The following MAP2K5 variants were observed in gnomAD, a reference collection of about 807,000 sequenced individuals.
The protein encoded by MAP2K5 is dual specificity mitogen-activated protein kinase kinase 5.
A neutral mutation model predicts 83.1 loss-of-function variants in MAP2K5; 49 were observed. The observed-to-expected ratio is 0.59, with a 90% confidence interval of 0.47 to 0.75. The LOEUF (loss-of-function observed/expected upper bound fraction) is 0.75, where lower values mean the gene tolerates loss of function less well. Among genes scored for constraint, MAP2K5 ranks in the 30% least tolerant of loss-of-function variants. The pLI is 0.00. For missense variants in MAP2K5, 457 were observed against 557.5 expected (o/e 0.82, Z 1.82); for synonymous variants, 202 against 191.8 (o/e 1.05, Z -0.44).
At position 67,782,273 on chromosome 15, in the gene MAP2K5, AGTAT is replaced by A; in HGVS notation, c.1242+9522_1242+9525del. Among the ~76,000 whole-genome samples, 1 of 152,372 alleles carries A rather than the reference AGTAT, an allele frequency of 6.6e-6. No individual in the cohort carries two copies. Among genetic ancestry groups the A allele is most frequent in the Non-Finnish European group, 1.5e-5 (1 of 68,030 alleles). ...AGCTTTAGATGTGAAATGAGTGTTA[AGTAT>A]TAGTAATCGGGAGATTAGGGCCCCA... On this transcript the variant is annotated intron_variant, in intron 21 of 21. Coordinates refer to ENST00000178640, the MANE Select transcript of MAP2K5 (RefSeq NM_145160.3). This position sits in a 1 kb window ranked among gnomAD's most constrained non-coding sequence, Gnocchi z 4.9.
intron 7 of MAP2K5, among the ~76,000 whole-genome samples, chr15:67,596,242 G>A (rs568682592): frequency 6.6e-6 from 1 of 152,216 alleles, no homozygotes; most frequent in Admixed American, 6.5e-5. Context: ...CCAACATGGT[G>A]AAACCTCTTC....
chr15:67,692,097 A>T (rs2088128084), intron 13 of MAP2K5, among the ~76,000 whole-genome samples: 1 of 152,180 alleles, frequency 6.6e-6, no homozygotes, highest in Non-Finnish European at 1.5e-5. Flanking sequence ...ATAATTACAC[A>T]TATAGAGCAA....
Position 67,603,805 on chromosome 15 carries a change from T to TA in MAP2K5, c.545+3062dup, listed in dbSNP as rs562850723. 1.3e-5 allele frequency among the ~76,000 whole-genome samples: 2 copies of TA among 152,196 alleles called. 1 individual carries two copies. Among genetic ancestry groups the TA allele is most frequent in the Non-Finnish European group, 2.9e-5 (2 of 68,026 alleles). On this transcript the variant is annotated intron_variant, in intron 8 of 21. Transcript: ENST00000178640. ...AAGTTCACCTTAATGGTGTTGATGA[T>TA]AAAAAATATGGTTTTTCAAACAGCA...
chr15:67,621,754 G>A (rs1288745441), intron 8 of MAP2K5, among the ~76,000 whole-genome samples: 1 of 152,186 alleles, frequency 6.6e-6, no homozygotes, highest in South Asian at 2.1e-4. Flanking sequence ...AAATGTGCCT[G>A]ATGTAGTTTT....
intron 21 of MAP2K5, 125 bp downstream of exon 21, chr15:67,772,877 C>A: frequency 1.6e-6 from 1 of 626,816 alleles, no homozygotes; most frequent in Non-Finnish European, 2.6e-6. Flanking sequence ...TTATTTACTT[C>A]ATTTGGGTAG....
chr15:67,772,886 A>G (rs1313278329), intron 21 of MAP2K5, 134 bp downstream of exon 21: 3 of 601,222 alleles, frequency 5.0e-6, no homozygotes, highest in Non-Finnish European at 8.1e-6. Flanking sequence ...TCATTTGGGT[A>G]GATGTTTTTG....
chr15:67,703,546 G>A, intron 16 of MAP2K5, 138 bp downstream of exon 16: 1 of 649,182 alleles, frequency 1.5e-6, no homozygotes, highest in South Asian at 2.0e-5. Context: ...TGACCATAAA[G>A]TCTTTGATTC....
Position 67,758,001 on chromosome 15 carries a change from A to G in MAP2K5, c.1134+9400A>G, listed in dbSNP as rs2089873897. On this transcript the variant is annotated intron_variant, in intron 19 of 21. Coordinates refer to ENST00000178640, the MANE Select transcript of MAP2K5 (RefSeq NM_145160.3). The surrounding 1 kb of genome is among the most constrained non-coding windows in gnomAD (Gnocchi z 4.7). ...TTCAGTATGGCTGGGGTGTTTGGGC[A>G]AGTATTATGAGATATAAACCAAGGG... 6.6e-6 allele frequency among the ~76,000 whole-genome samples: 1 copy of G among 152,110 alleles called. No individual in the cohort carries two copies. The highest frequency in any genetic ancestry group is 2.4e-5 in the African/African-American group (1 of 41,426).
At chr15:67,583,518 T>C (rs2085227789) in intron 4 of MAP2K5, among the ~76,000 whole-genome samples, 1 of 152,162 alleles carries the variant, frequency 6.6e-6, no homozygotes, top group Non-Finnish European at 1.5e-5. Flanking sequence ...TTTTTGGTAG[T>C]CTTTTGCTTT....
chr15:67,734,372 G>GT (rs1409580046), intron 17 of MAP2K5, among the ~76,000 whole-genome samples: 3 of 151,692 alleles, frequency 2.0e-5, no homozygotes, highest in Non-Finnish European at 4.4e-5. Flanking sequence ...AATGTGTTTT[G>GT]TTTTTTTCAA....
intron 11 of MAP2K5, among the ~76,000 whole-genome samples, chr15:67,647,536 C>T (rs1035122099): frequency 1.7e-4 from 26 of 151,946 alleles, no homozygotes; most frequent in Non-Finnish European, 3.2e-4. Flanking sequence ...TGCTTGAGCC[C>T]AGGAGTTTGA....
chr15:67,678,034 T>C (rs111595074), intron 13 of MAP2K5, among the ~76,000 whole-genome samples: 1,532 of 152,310 alleles, frequency 0.01, 29 homozygotes, highest in African/African-American at 0.035. Context: ...AGAATAACTT[T>C]TATATTGCAA....
chr15:67,548,599 T>C (rs2084443414), intron 1 of MAP2K5, among the ~76,000 whole-genome samples: 1 of 152,224 alleles, frequency 6.6e-6, no homozygotes, highest in Non-Finnish European at 1.5e-5. Context: ...TTTTGTGCAC[T>C]CAGCTGTGCC....
intron 13 of MAP2K5, among the ~76,000 whole-genome samples, chr15:67,669,988 A>C (rs2087486270): frequency 6.6e-6 from 1 of 152,174 alleles, no homozygotes. Context: ...CAAAAACTTT[A>C]GGCAACTCTT....
At chr15:67,550,726 G>GTT (rs1168262432) in intron 2 of MAP2K5, among the ~76,000 whole-genome samples, 2 of 144,300 alleles carry the variant, frequency 1.4e-5, no homozygotes. Context: ...AAGAACTGTA[G>GTT]TTTTTTTTTT....
Position 67,543,519 on chromosome 15 carries a change from C to T in MAP2K5, c.135+49C>T. On this transcript the variant is annotated intron_variant, in intron 1 of 21. Transcript: ENST00000178640. This position sits in a 1 kb window ranked among gnomAD's most constrained non-coding sequence, Gnocchi z 4.3. The stretch of plus-strand genomic sequence containing the variant: ...GATGCCAGCAAGGGGGACTCAGGGA[C>T]TTGAGTAGTCAGCACCTTGACCACT... 6.2e-7 allele frequency: 1 copy of T among 1,610,094 alleles called. No individual in the cohort carries two copies. The highest frequency in any genetic ancestry group is 8.5e-7 in the Non-Finnish European group (1 of 1,177,262).
At chr15:67,804,622 G>A (rs188478234) in intron 21 of MAP2K5, among the ~76,000 whole-genome samples, 117 of 152,296 alleles carry the variant, frequency 7.7e-4, no homozygotes, top group Admixed American at 1.2e-3. Context: ...CTGCAGTTCC[G>A]CTCTGCTTGT....
chr15:67,590,089 CACTTTAGTGCATCGATTCTTAGATGT>C (rs1434620836), intron 6 of MAP2K5, among the ~76,000 whole-genome samples: 1 of 152,050 alleles, frequency 6.6e-6, no homozygotes, highest in Non-Finnish European at 1.5e-5. Flanking sequence ...TGTTAATTGC[CACTTTAGTGCATCGATTCTTAGATGT>C]GGTGGGACAT....
At chr15:67,610,462 C>T (rs1333875757) in intron 8 of MAP2K5, among the ~76,000 whole-genome samples, 5 of 152,060 alleles carry the variant, frequency 3.3e-5, no homozygotes, top group African/African-American at 4.8e-5. Context: ...TTGATGTGTT[C>T]GAAAATCGTA....
Sources: allele counts gnomAD v4.1 joint callset (sites outside exome capture counted in the v4.1 genomes callset), GRCh38; gene constraint gnomAD v4.1.1; non-coding constraint Gnocchi (gnomAD v3.1); transcripts MANE v1.5; gene names NCBI Gene and HGNC (gene_info 2026-07-23, HGNC 2026-07-21).